The following PHLDB3 variants were observed in gnomAD, a reference collection of about 807,000 sequenced individuals.
PHLDB3 encodes pleckstrin homology like domain family B member 3, also known as pleckstrin homology-like domain family B member 3.
PHLDB3 carries 86 observed loss-of-function variants against 85.7 expected under a neutral mutation model. The observed-to-expected ratio is 1.00, with a 90% CI of 0.84 to 1.20. The LOEUF is 1.20. Among genes scored for constraint, PHLDB3 ranks in the 50% most tolerant of loss-of-function variants. PHLDB3 has a pLI of 0.00. For missense variants in PHLDB3, 995 were observed against 873.0 expected (o/e 1.14, Z -1.76); for synonymous variants, 376 against 349.8 (o/e 1.07, Z -0.83).
chr19:43,502,341 T>C, intron 2 of PHLDB3, 58 bp from the exon 3 acceptor site: 1 of 1,491,710 alleles, frequency 6.7e-7, no homozygotes, highest in South Asian at 1.3e-5. Flanking sequence ...AATCACTAAG[T>C]AGGTCTGGTC....
chr19:43,487,199 G>T, intron 9 of PHLDB3, 76 bp from the exon 10 acceptor site: 1 of 1,215,546 alleles, frequency 8.2e-7, no homozygotes, highest in Non-Finnish European at 1.2e-6. Flanking sequence ...GCCCAGTGAA[G>T]CCACCACCCA....
chr19:43,491,959 G>GTTT (rs1351953086), intron 9 of PHLDB3, among the ~76,000 whole-genome samples: 2 of 63,098 alleles, frequency 3.2e-5, no homozygotes, highest in Non-Finnish European at 3.3e-5. Flanking sequence ...TTTTTTTTTT[G>GTTT]TTTTTTTTTT....
In PHLDB3 at chr19:43,487,273, C is replaced by A; in HGVS notation, c.1150-150G>T. 5 of 677,922 alleles carry A rather than the reference C, an allele frequency of 7.4e-6. No homozygotes were observed. In the South Asian group the frequency reaches 9.1e-5, roughly 12 times the overall value. The allele number at this position is 677,922 out of a possible 1,614,324, so 42.0% of individuals were successfully genotyped here. A position where few individuals can be genotyped will look rare whatever the true frequency, so the allele number is the denominator to read the frequency against. On this transcript the variant is annotated intron_variant, in intron 9 of 15. Transcript: ENST00000292140. ...TGAAAGGACCTCACAGGGGTATGAT[C>A]CCGTTTATAAGAAATATCAAGCTGA...
At chr19:43,481,169 T>C (rs1287705081) in intron 13 of PHLDB3, among the ~76,000 whole-genome samples, 1 of 151,678 alleles carries the variant, frequency 6.6e-6, no homozygotes, top group Non-Finnish European at 1.5e-5. Context: ...CAGCCACACT[T>C]TGAGTGTCAA....
intron 9 of PHLDB3, among the ~76,000 whole-genome samples, chr19:43,487,919 C>T (rs966909910): frequency 8.6e-5 from 13 of 151,446 alleles, no homozygotes; most frequent in Admixed American, 4.0e-4. Flanking sequence ...TTTGGGAGGC[C>T]GAGGCGGGTG....
At chr19:43,501,444 C>T in intron 4 of PHLDB3, 2 of 455,994 alleles carry the variant, frequency 4.4e-6, no homozygotes, top group Non-Finnish European at 7.6e-6. Context: ...CTCGGCCTCC[C>T]AAAGTGCTAT....
chr19:43,500,374 G>C (rs1402685435), intron 4 of PHLDB3, among the ~76,000 whole-genome samples: 1 of 152,142 alleles, frequency 6.6e-6, no homozygotes, highest in African/African-American at 2.4e-5. Context: ...CCCACTTGCA[G>C]AAACAGAGGC....
rs1293065147 is a variant in PHLDB3 at position 43,495,467 on chromosome 19, A to G, written c.951+28T>C. The G allele has an allele frequency of 1.9e-6, 3 of 1,604,990 alleles. No individual in the cohort carries two copies. In the Admixed American group the frequency reaches 5.1e-5, roughly 27 times the overall value. On this transcript the variant is annotated intron_variant, in intron 7 of 15. Transcript: ENST00000292140. ...TGCCCCAGGGGGAAGTGAGGACGGT[A>G]GGGTAGGGCAGGTGACAGGTAGCTC...
rs1970894391 is a variant in PHLDB3 at position 43,475,139 on chromosome 19, G to A, written c.*271C>T. On this transcript the variant is annotated 3_prime_UTR_variant, in exon 16 of 16. Coordinates refer to ENST00000292140, the MANE Select transcript of PHLDB3 (RefSeq NM_198850.4). ...CCTCCGTATTTAATTCGGTATCACA[G>A]GAGCACCAATAAATAGTTTCTTCCC... The A allele has an allele frequency of 5.2e-6, 2 of 387,768 alleles. No homozygotes were observed. Among genetic ancestry groups the A allele is most frequent in the South Asian group, 6.9e-5 (2 of 29,100 alleles). The allele number at this position is 387,768 out of a possible 1,614,324, so 24.0% of individuals were successfully genotyped here.
chr19:43,502,261 G>C lies in PHLDB3; in HGVS notation c.236C>G (p.Ala79Gly). ...GGATGCGGGAGGTGTGGCCGCCATA[G>C]CTATCGGAGGCGTAGCCTCGGGCTG... ...RDAPEATPPI[A>G]MAATPPASTS... The change falls in exon 3 of 16, where the codon GCT becomes GGT. Residue 79 changes from alanine (A) to glycine (G), a missense_variant. Ala to Gly is a moderately conservative substitution (Grantham distance 60, BLOSUM62 0). Transcript: ENST00000292140. 3 of 1,562,534 alleles carry C rather than the reference G, an allele frequency of 1.9e-6. No individual in the cohort carries two copies. The highest frequency in any genetic ancestry group is 2.6e-6 in the Non-Finnish European group (3 of 1,157,366).
intron 13 of PHLDB3, among the ~76,000 whole-genome samples, chr19:43,480,135 A>G (rs1971013076): frequency 6.6e-6 from 1 of 151,734 alleles, no homozygotes; most frequent in African/African-American, 2.4e-5. Flanking sequence ...GAAAAAAGAA[A>G]TGAAGATTGG....
chr19:43,484,882 C>G, intron 13 of PHLDB3, among the ~76,000 whole-genome samples: 1 of 152,020 alleles, frequency 6.6e-6, no homozygotes, highest in African/African-American at 2.4e-5. Flanking sequence ...ATTCTAGCAG[C>G]TTGGAGGCTG....
At position 43,486,868 on chromosome 19, in the gene PHLDB3, A is replaced by T; in HGVS notation, c.1252T>A (p.Ser418Thr). 6.4e-7 allele frequency: 1 copy of T among 1,553,528 alleles called. No homozygotes were observed. The highest frequency in any genetic ancestry group is 8.7e-7 in the Non-Finnish European group (1 of 1,148,598). Reference protein sequence around the residue: ...PRPLSFHCTESLEASALPPAV... With the variant: ...PRPLSFHCTETLEASALPPAV... ...GGCGGGAGAGCTGAGGCCTCCAGGG[A>T]TTCTAGGGTAGAGGGGACCAGGTTA... Residue 418 changes from serine to threonine, a missense_variant and splice_region_variant, in exon 11 of 16, where the codon TCC (serine) becomes ACC (threonine). Transcript: ENST00000292140.
chr19:43,487,591 A>AAAAAAAAAAAACAAAAAAAAAAC (rs1167897767), intron 9 of PHLDB3, among the ~76,000 whole-genome samples: 3 of 115,768 alleles, frequency 2.6e-5, no homozygotes, highest in African/African-American at 6.3e-5. Context: ...AAAAAAAAAA[A>AAAAAAAAAAAACAAAAAAAAAAC]ACACAGAAAA....
chr19:43,477,441 C>T lies in PHLDB3; in HGVS notation c.1788+606G>A, dbSNP rs562627805. Among the ~76,000 whole-genome samples the T allele has an allele frequency of 1.8e-3, 271 of 148,928 alleles. 7 individuals carry two copies. The highest frequency in any genetic ancestry group is 4.4e-3 in the African/African-American group (176 of 39,862). On this transcript the variant is annotated intron_variant, in intron 15 of 15. Transcript: ENST00000292140. ...CTGAGGCAGGAGAATCGCTTGAACC[C>T]GGGAGGCAGAGGTTGCAGTGAGCCA...
intron 2 of PHLDB3, among the ~76,000 whole-genome samples, chr19:43,502,702 C>T (rs1351570946): frequency 6.6e-6 from 1 of 150,692 alleles, no homozygotes; most frequent in Admixed American, 6.6e-5. Flanking sequence ...GGGATTCTCC[C>T]ACCTCGGCCT....
chr19:43,481,565 T>C (rs1366545645), intron 13 of PHLDB3, among the ~76,000 whole-genome samples: 11 of 151,160 alleles, frequency 7.3e-5, no homozygotes, highest in African/African-American at 2.7e-4. Context: ...TTGCGGTGAA[T>C]CAAGATGGCA....
chr19:43,502,274 T>A lies in PHLDB3; in HGVS notation c.223A>T (p.Thr75Ser). The part of the protein sequence containing the change: ...TESSRDAPEA[T>S]PPIAMAATPP... ...GTGGCCGCCATAGCTATCGGAGGCG[T>A]AGCCTCGGGCTGAAGTTGAGGGGGG... The change falls in exon 3 of 16, where the codon ACG (threonine) becomes TCG (serine). Residue 75 changes from threonine to serine, a missense_variant. Coordinates refer to ENST00000292140, the MANE Select transcript of PHLDB3 (RefSeq NM_198850.4). 6.4e-7 allele frequency: 1 copy of A among 1,557,542 alleles called. No homozygotes were observed.
chr19:43,488,497 G>C (rs961665122), intron 9 of PHLDB3, among the ~76,000 whole-genome samples: 1 of 151,998 alleles, frequency 6.6e-6, no homozygotes, highest in African/African-American at 2.4e-5. Flanking sequence ...AACCCACCGT[G>C]CTGGTGGCTA....
Sources: gnomAD v4.1 joint callset for allele counts (sites outside exome capture counted in the v4.1 genomes callset) on GRCh38, gnomAD v4.1.1 for gene constraint, MANE v1.5 for transcripts, NCBI Gene and HGNC (gene_info 2026-07-23, HGNC 2026-07-21) for gene names.